The following KDM4C variants were observed in gnomAD, a reference collection of about 807,000 sequenced individuals.
The protein encoded by KDM4C is lysine demethylase 4C, also known as lysine-specific demethylase 4C.
In KDM4C, 81 loss-of-function variants were observed where a neutral mutation model predicts 129.3. That is an observed-to-expected ratio of 0.63 (90% CI 0.52 to 0.75). The LOEUF (loss-of-function observed/expected upper bound fraction) is 0.75, where lower values mean the gene tolerates loss of function less well. Among genes scored for constraint, KDM4C ranks in the 30% least tolerant of loss-of-function variants. The probability of loss-of-function intolerance (pLI) is 0.00; values close to 1 mark genes in which losing one functional copy is unlikely to be tolerated. For missense variants in KDM4C, 1,457 were observed against 1,304.0 expected, an observed-to-expected ratio of 1.12 and a Z score of -1.81; for synonymous variants, 573 against 456.1, an observed-to-expected ratio of 1.26 and a Z score of -3.26.
At chr9:6,769,899 C>T (rs796322155) in intron 1 of KDM4C, among the ~76,000 whole-genome samples, 4 of 152,182 alleles carry the variant, frequency 2.6e-5, no homozygotes, top group Middle Eastern at 3.4e-3. Context: ...CCATGTGTTA[C>T]GCCATGCCCG....
chr9:7,060,405 A>G (rs1831459608), intron 17 of KDM4C, among the ~76,000 whole-genome samples: 1 of 150,732 alleles, frequency 6.6e-6, no homozygotes, highest in Non-Finnish European at 1.5e-5. Flanking sequence ...CTAGGATAGT[A>G]GTGTTAATAC....
chr9:7,143,740 C>A (rs538562474), intron 19 of KDM4C, among the ~76,000 whole-genome samples: 1 of 152,198 alleles, frequency 6.6e-6, no homozygotes, highest in Non-Finnish European at 1.5e-5. Flanking sequence ...TCTGACTTCC[C>A]TTTAAGCATA....
chr9:7,124,027 G>C (rs1839778986), intron 18 of KDM4C, among the ~76,000 whole-genome samples: 1 of 152,176 alleles, frequency 6.6e-6, no homozygotes, highest in African/African-American at 2.4e-5. Context: ...GATTTGCTGA[G>C]AGTCTGCTCC....
At chr9:7,126,023 AAAAC>A (rs1480367017) in intron 18 of KDM4C, among the ~76,000 whole-genome samples, 5 of 152,226 alleles carry the variant, frequency 3.3e-5, no homozygotes, top group Non-Finnish European at 7.3e-5. Context: ...CTTGAAAATC[AAAAC>A]AAACAACCCA....
chr9:6,883,877 G>T (rs1460047828), intron 6 of KDM4C, among the ~76,000 whole-genome samples: 2 of 152,010 alleles, frequency 1.3e-5, no homozygotes, highest in Admixed American at 6.6e-5. Flanking sequence ...ATTTCAAGGG[G>T]GTGGGAAGTG....
At chr9:7,031,386 C>G (rs975243796) in intron 15 of KDM4C, among the ~76,000 whole-genome samples, 1 of 152,220 alleles carries the variant, frequency 6.6e-6, no homozygotes. Context: ...GTGTCAAACT[C>G]CTGACCTCTG....
At chr9:6,790,506 G>A (rs1353734079) in intron 1 of KDM4C, among the ~76,000 whole-genome samples, 1 of 150,730 alleles carries the variant, frequency 6.6e-6, no homozygotes, top group East Asian at 2.0e-4. Context: ...CGCCCGCCTC[G>A]GCCTCCCAGA....
At chr9:6,880,854 G>C (rs762265275) in intron 6 of KDM4C, among the ~76,000 whole-genome samples, 1 of 152,128 alleles carries the variant, frequency 6.6e-6, no homozygotes, top group African/African-American at 2.4e-5. Context: ...GGGAAGCAGA[G>C]TCACATTCAC....
rs1176579455 is a variant in KDM4C at position 6,873,905 on chromosome 9, AGAGAGAGAGCGAGAGAGAGAGAGAGT to A, written c.630-6081_630-6056del. 4.4e-3 allele frequency among the ~76,000 whole-genome samples: 656 copies of A among 150,386 alleles called. 4 individuals carry two copies. The highest frequency in any genetic ancestry group is 0.015 in the African/African-American group (629 of 40,786). On this transcript the variant is annotated intron_variant, in intron 5 of 21. Coordinates refer to ENST00000381309, the MANE Select transcript of KDM4C (RefSeq NM_015061.6). ...TCTTTTTCTTGAACACTTAGAGGCG[AGAGAGAGAGCGAGAGAGAGAGAGAGT>A]GAGAGAGAGCGAGAGAGAGAGAGAG...
chr9:6,984,093 C>G (rs1817250566), intron 9 of KDM4C, 73 bp from the exon 10 acceptor site: 3 of 900,618 alleles, frequency 3.3e-6, no homozygotes, highest in African/African-American at 1.7e-5. Context: ...GTGAAAATGA[C>G]ATTTATATTG....
At chr9:6,725,349 T>C (rs1817087440) in intron 1 of KDM4C, among the ~76,000 whole-genome samples, 1 of 151,980 alleles carries the variant, frequency 6.6e-6, no homozygotes. Context: ...TCTTTCTCTG[T>C]TTCCACTCGA....
intron 1 of KDM4C, among the ~76,000 whole-genome samples, chr9:6,768,066 A>G (rs905399090): frequency 2.6e-5 from 4 of 152,156 alleles, no homozygotes; most frequent in Non-Finnish European, 5.9e-5. Flanking sequence ...TTTAGCCTTT[A>G]GACAGCTAGT....
At chr9:6,942,639 G>A (rs1330345189) in intron 8 of KDM4C, 1 of 152,212 alleles carries the variant, frequency 6.6e-6, no homozygotes, top group East Asian at 1.9e-4. Context: ...TGTGGGGTTT[G>A]TGAGCTAACT....
Position 6,802,535 on chromosome 9 carries a change from GT to G in KDM4C, c.145-3061del, listed in dbSNP as rs1564042279. ...GCCACATGCCCATCAATGGTTATCA[GT>G]TTATAAATACATAAATATTTATAAG... On this transcript the variant is annotated intron_variant, in intron 2 of 21. Transcript: ENST00000381309. 2.6e-5 allele frequency among the ~76,000 whole-genome samples: 4 copies of G among 152,184 alleles called. No homozygotes were observed. The South Asian group carries it at 8.3e-4, about 31-fold the overall frequency.
intron 8 of KDM4C, among the ~76,000 whole-genome samples, chr9:6,930,721 TATA>T (rs1823560978): frequency 1.4e-5 from 2 of 144,192 alleles, no homozygotes; most frequent in South Asian, 4.5e-4. Flanking sequence ...ATACTATTAT[TATA>T]ATATAATAAT....
intron 1 of KDM4C, chr9:6,724,110 G>T (rs747543867): frequency 6.6e-6 from 1 of 152,192 alleles, no homozygotes; most frequent in Non-Finnish European, 1.5e-5. Flanking sequence ...GAAGTAGCTA[G>T]AAGAAAGAGG....
At chr9:6,876,876 A>G (rs879032597) in intron 5 of KDM4C, among the ~76,000 whole-genome samples, 1 of 152,214 alleles carries the variant, frequency 6.6e-6, no homozygotes, top group African/African-American at 2.4e-5. Flanking sequence ...GGAAAAAAAA[A>G]TCTGAAGGAA....
intron 8 of KDM4C, among the ~76,000 whole-genome samples, chr9:6,921,650 C>CA (rs1360546503): frequency 6.6e-6 from 1 of 152,200 alleles, no homozygotes; most frequent in Non-Finnish European, 1.5e-5. Context: ...GCCAGCATGA[C>CA]AGCTTTAAAA....
chr9:7,096,068 C>T (rs2133085368), intron 17 of KDM4C, among the ~76,000 whole-genome samples: 1 of 152,306 alleles, frequency 6.6e-6, no homozygotes, highest in East Asian at 1.9e-4. Flanking sequence ...AATAAGTATT[C>T]AGAATAAAGC....
Sources: gnomAD v4.1 joint callset for allele counts (sites outside exome capture counted in the v4.1 genomes callset) on GRCh38, gnomAD v4.1.1 for gene constraint, MANE v1.5 for transcripts, NCBI Gene and HGNC (gene_info 2026-07-23, HGNC 2026-07-21) for gene names.